The following FAM228B variants were observed in gnomAD, a reference collection of about 807,000 sequenced individuals.
FAM228B encodes family with sequence similarity 228 member B.
In FAM228B, 38 loss-of-function variants were observed where a neutral mutation model predicts 42.6. The observed-to-expected ratio is 0.89, with a 90% CI of 0.69 to 1.17. The LOEUF is 1.17. FAM228B is among the 50% of genes most tolerant of loss of function. The probability of loss-of-function intolerance (pLI) is 0.00; values close to 1 mark genes in which losing one functional copy is unlikely to be tolerated. For synonymous variants in FAM228B, 109 were observed against 122.3 expected (o/e 0.89, Z 0.72); for missense variants, 344 against 367.3 (o/e 0.94, Z 0.52).
rs1664801767 is a variant in FAM228B, at chr2:24,077,504, G to A, written c.-290+535G>A. 1.3e-6 allele frequency: 2 copies of A among 1,482,110 alleles called. No homozygotes were observed. Among genetic ancestry groups the A allele is most frequent in the Non-Finnish European group, 1.8e-6 (2 of 1,106,390 alleles). The allele number at this position is 1,482,110 out of a possible 1,614,324, so 91.8% of individuals were successfully genotyped here. On this transcript the variant is annotated intron_variant, in intron 1 of 10. Transcript: ENST00000613899. The surrounding 1 kb of genome is among the most constrained non-coding windows in gnomAD (Gnocchi z 5.5). ...GAGGAAGCACCGGGTTTCTTGGCCTGTCTATTGTGAATCTTCTCCAGGTTT... is the reference window on the plus strand; with the variant it reads ...GAGGAAGCACCGGGTTTCTTGGCCTATCTATTGTGAATCTTCTCCAGGTTT...
intron 8 of FAM228B, 96 bp from the exon 9 acceptor site, chr2:24,164,102 T>C: frequency 8.8e-7 from 1 of 1,142,310 alleles, no homozygotes; most frequent in Non-Finnish European, 1.2e-6. Context: ...CAAATTCACA[T>C]AGAACTCATC....
At chr2:24,103,511 G>A (rs1665647338) in intron 3 of FAM228B, among the ~76,000 whole-genome samples, 1 of 152,194 alleles carries the variant, frequency 6.6e-6, no homozygotes. Context: ...GGTCACTTGT[G>A]TGGGTCTCTC....
chr2:24,099,707 G>A (rs1353576422), intron 3 of FAM228B, among the ~76,000 whole-genome samples: 1 of 152,164 alleles, frequency 6.6e-6, no homozygotes, highest in East Asian at 1.9e-4. Context: ...AGTATTTATA[G>A]ATTCAATGCC....
Position 24,084,279 on chromosome 2 carries a change from G to C in FAM228B, c.-210+3324G>C, listed in dbSNP as rs1553325075. The stretch of plus-strand genomic sequence containing the variant: ...GGCTCGGCTTGGCCACCTCCTTCAC[G>C]TAGAGGTTTTCCGGTCCTCCCGGCT... On this transcript the variant is annotated intron_variant, in intron 2 of 10. Transcript: ENST00000613899. The surrounding 1 kb of genome is among the most constrained non-coding windows in gnomAD (Gnocchi z 8.4). The C allele has an allele frequency of 6.2e-7, 1 of 1,613,930 alleles. No homozygotes were observed. The highest frequency in any genetic ancestry group is 8.5e-7 in the Non-Finnish European group (1 of 1,179,992).
chr2:24,090,802 T>G (rs910198369), intron 2 of FAM228B, among the ~76,000 whole-genome samples: 5 of 152,154 alleles, frequency 3.3e-5, no homozygotes, highest in African/African-American at 1.2e-4. Flanking sequence ...TAGTAGACTT[T>G]TTTTAAAAGA....
At chr2:24,091,083 A>T (rs1368787299) in intron 2 of FAM228B, among the ~76,000 whole-genome samples, 1 of 149,282 alleles carries the variant, frequency 6.7e-6, no homozygotes. Context: ...GAGGTAATTG[A>T]TAATAAATAC....
intron 3 of FAM228B, among the ~76,000 whole-genome samples, chr2:24,099,510 C>T (rs191925636): frequency 9.2e-5 from 14 of 152,234 alleles, no homozygotes; most frequent in African/African-American, 2.9e-4. Context: ...AGTGAACTCC[C>T]AGTCACAATT....
intron 5 of FAM228B, among the ~76,000 whole-genome samples, chr2:24,145,452 A>G (rs1036710745): frequency 6.6e-6 from 1 of 152,190 alleles, no homozygotes; most frequent in Non-Finnish European, 1.5e-5. Flanking sequence ...ATCCAACACC[A>G]TAGACACGTC....
At position 24,167,837 on chromosome 2, in the gene FAM228B, A is replaced by T. The variant is rs1052409277; in HGVS notation, c.*14+154A>T. ...GTTCTTACCTATTAATTTTATGATGATCTATTTCAGTGTAAGGCATTCTCT... is the reference window on the plus strand; with the variant it reads ...GTTCTTACCTATTAATTTTATGATGTTCTATTTCAGTGTAAGGCATTCTCT... On this transcript the variant is annotated intron_variant, in intron 10 of 10. Coordinates refer to ENST00000615575, the MANE Select transcript of FAM228B (RefSeq NM_001145710.2). The T allele has an allele frequency of 1.4e-5, 12 of 873,470 alleles. No homozygotes were observed. The African/African-American group carries it at 2.0e-4, about 15-fold the overall frequency. 54.1% of individuals were successfully genotyped at this position (873,470 alleles called of 1,614,324 possible).
chr2:24,160,087 C>G (rs927818927), intron 7 of FAM228B, among the ~76,000 whole-genome samples: 4 of 151,508 alleles, frequency 2.6e-5, no homozygotes, highest in African/African-American at 9.7e-5. Flanking sequence ...CTCCTGGGCT[C>G]AAGTGATTCC....
intron 3 of FAM228B, among the ~76,000 whole-genome samples, chr2:24,107,316 AC>A (rs1169249250): frequency 6.6e-6 from 1 of 152,184 alleles, no homozygotes; most frequent in Non-Finnish European, 1.5e-5. Flanking sequence ...TTAGATTCCC[AC>A]ACAATAATAA....
intron 2 of FAM228B, among the ~76,000 whole-genome samples, chr2:24,082,009 C>A (rs1475270888): frequency 6.7e-6 from 1 of 149,524 alleles, no homozygotes; most frequent in Non-Finnish European, 1.5e-5. Context: ...CTTTCTTTTT[C>A]TTTGAGACAG....
At chr2:24,096,808 G>A (rs1174964286) in intron 3 of FAM228B, 2 of 152,108 alleles carry the variant, frequency 1.3e-5, no homozygotes, top group African/African-American at 4.8e-5. Context: ...TCCTTGAGAA[G>A]AGCAACCCCA....
At chr2:24,132,959 C>T (rs78577938) in intron 2 of FAM228B, among the ~76,000 whole-genome samples, 1 of 152,130 alleles carries the variant, frequency 6.6e-6, no homozygotes, top group African/African-American at 2.4e-5. Context: ...GATATTTGGT[C>T]AGAGTTCTTT....
chr2:24,104,360 TGGGCCCTG>T (rs1553327260), intron 3 of FAM228B, among the ~76,000 whole-genome samples: 2 of 152,244 alleles, frequency 1.3e-5, no homozygotes, highest in Non-Finnish European at 2.9e-5. Flanking sequence ...CTATAAGCCT[TGGGCCCTG>T]GGGCAGACCA....
intron 2 of FAM228B, among the ~76,000 whole-genome samples, chr2:24,128,454 T>C (rs1037764969): frequency 6.6e-6 from 1 of 152,206 alleles, no homozygotes; most frequent in African/African-American, 2.4e-5. Context: ...CCCTAACTTA[T>C]GAACTACAGG....
At chr2:24,133,194 G>C (rs1462482828) in intron 2 of FAM228B, among the ~76,000 whole-genome samples, 1 of 151,552 alleles carries the variant, frequency 6.6e-6, no homozygotes, top group African/African-American at 2.4e-5. Context: ...TTTTTTTCTT[G>C]GTGTTGAATA....
chr2:24,091,062 A>G (rs1200775955), intron 2 of FAM228B, among the ~76,000 whole-genome samples: 1 of 151,648 alleles, frequency 6.6e-6, no homozygotes, highest in Non-Finnish European at 1.5e-5. Flanking sequence ...CAATACAATA[A>G]GATAAAAAAC....
chr2:24,167,689 T>G lies in FAM228B; in HGVS notation c.*14+6T>G. Reference sequence around the variant, plus strand: ...CTATAAGAAAGAAGAGGGAGGTAGATGTCTTCTCTCTTTCCCTTCTTACTC... The same window carrying G: ...CTATAAGAAAGAAGAGGGAGGTAGAGGTCTTCTCTCTTTCCCTTCTTACTC... On this transcript the variant is annotated splice_donor_region_variant and intron_variant, in intron 10 of 10. Coordinates refer to ENST00000615575, the MANE Select transcript of FAM228B (RefSeq NM_001145710.2). 12 of 1,551,392 alleles carry G rather than the reference T, an allele frequency of 7.7e-6. No homozygotes were observed. The highest frequency in any genetic ancestry group is 9.6e-6 in the Non-Finnish European group (11 of 1,146,706).
Sources: allele counts gnomAD v4.1 joint callset (sites outside exome capture counted in the v4.1 genomes callset), GRCh38; gene constraint gnomAD v4.1.1; non-coding constraint Gnocchi (gnomAD v3.1); transcripts MANE v1.5; gene names NCBI Gene and HGNC (gene_info 2026-07-23, HGNC 2026-07-21).